The following TRMT9B variants were observed in gnomAD, a reference collection of about 807,000 sequenced individuals.
TRMT9B encodes tRNA methyltransferase 9B (putative).
A neutral mutation model predicts 11.5 loss-of-function variants in TRMT9B; 16 were observed. The ratio of observed to expected loss-of-function variants is 1.39; its 90% confidence interval spans 0.94 to 2.11. TRMT9B has a LOEUF of 2.11. Ranked by LOEUF, TRMT9B falls within the 30% of genes most tolerant of loss-of-function variation. The pLI, the probability that TRMT9B is intolerant of heterozygous loss-of-function variation, is 0.00. For synonymous variants in TRMT9B, 274 were observed against 192.4 expected (o/e 1.42, Z -3.51); for missense variants, 941 against 553.8 (o/e 1.70, Z -7.02).
chr8:12,989,808 G>T (rs1366350979), intron 1 of TRMT9B, among the ~76,000 whole-genome samples: 1 of 152,144 alleles, frequency 6.6e-6, no homozygotes, highest in Non-Finnish European at 1.5e-5. Context: ...AAGATGCTTT[G>T]GTAGCTCTTT....
At chr8:12,984,664 A>G (rs1360250882) in intron 1 of TRMT9B, among the ~76,000 whole-genome samples, 1 of 152,074 alleles carries the variant, frequency 6.6e-6, no homozygotes, top group Non-Finnish European at 1.5e-5. Flanking sequence ...CTTTTATCTC[A>G]ACAAAACTGA....
At chr8:13,019,118 A>G (rs1391452612) in intron 4 of TRMT9B, among the ~76,000 whole-genome samples, 1 of 152,128 alleles carries the variant, frequency 6.6e-6, no homozygotes, top group Non-Finnish European at 1.5e-5. Context: ...TTTGGGGAGT[A>G]TTGATTTGGG....
chr8:12,997,577 T>G (rs1483150967), intron 2 of TRMT9B, among the ~76,000 whole-genome samples: 1 of 152,162 alleles, frequency 6.6e-6, no homozygotes, highest in Non-Finnish European at 1.5e-5. Context: ...GTTGCAAACT[T>G]CCATGCTACC....
intron 4 of TRMT9B, among the ~76,000 whole-genome samples, chr8:13,013,245 C>T (rs1219483541): frequency 6.6e-6 from 1 of 152,146 alleles, no homozygotes; most frequent in Non-Finnish European, 1.5e-5. Context: ...AAAATAGTGG[C>T]CTTTGTTAAC....
Position 12,990,953 on chromosome 8 carries a change from C to A in TRMT9B, c.-80C>A, listed in dbSNP as rs575286897. On this transcript the variant is annotated 5_prime_UTR_variant, in exon 2 of 5. It adds an upstream start codon to the 5' untranslated region. Transcript: ENST00000524591. Reference sequence around the variant, plus strand: ...ACATTGAGAAAGTTATGAGAAGCAACTGTCACTCTCTGGAGGTGGAGACTG... The same window carrying A: ...ACATTGAGAAAGTTATGAGAAGCAAATGTCACTCTCTGGAGGTGGAGACTG... The A allele has an allele frequency of 7.8e-7, 1 of 1,288,996 alleles. No individual in the cohort carries two copies. The highest frequency in any genetic ancestry group is 5.5e-5 in the East Asian group (1 of 18,020). 79.8% of individuals were successfully genotyped at this position (1,288,996 alleles called of 1,614,324 possible).
At chr8:12,955,460 T>A (rs1801172579) in intron 1 of TRMT9B, among the ~76,000 whole-genome samples, 1 of 152,108 alleles carries the variant, frequency 6.6e-6, no homozygotes, top group Non-Finnish European at 1.5e-5. Context: ...GGGGTCCCGA[T>A]CATTATTTCC....
chr8:12,973,785 A>C (rs1453416190), intron 1 of TRMT9B, among the ~76,000 whole-genome samples: 1 of 152,160 alleles, frequency 6.6e-6, no homozygotes, highest in Non-Finnish European at 1.5e-5. Context: ...AGATCCACAA[A>C]ACACTTCATG....
At chr8:12,981,489 C>T (rs907905133) in intron 1 of TRMT9B, among the ~76,000 whole-genome samples, 3 of 152,152 alleles carry the variant, frequency 2.0e-5, no homozygotes, top group East Asian at 1.9e-4. Context: ...TTGAGTGTGA[C>T]GGCACGGAGC....
chr8:12,981,077 G>T (rs550354628), intron 1 of TRMT9B, among the ~76,000 whole-genome samples: 1 of 148,128 alleles, frequency 6.8e-6, no homozygotes. Context: ...TTGTTTTTTT[G>T]TTTGTTTGTT....
chr8:12,978,612 C>G (rs181527478), intron 1 of TRMT9B, among the ~76,000 whole-genome samples: 1 of 152,260 alleles, frequency 6.6e-6, no homozygotes, highest in East Asian at 1.9e-4. Flanking sequence ...TTATATGACT[C>G]TTCTCCAGAT....
At chr8:13,009,117 G>T (rs887846448) in intron 3 of TRMT9B, among the ~76,000 whole-genome samples, 2 of 152,120 alleles carry the variant, frequency 1.3e-5, no homozygotes, top group Non-Finnish European at 2.9e-5. Flanking sequence ...GGAGGAACCT[G>T]GAAGATATTA....
chr8:12,975,965 C>T (rs1346198832), intron 1 of TRMT9B, among the ~76,000 whole-genome samples: 1 of 152,068 alleles, frequency 6.6e-6, no homozygotes, highest in Non-Finnish European at 1.5e-5. Context: ...TTTCTCAGTT[C>T]TATATGAGCC....
chr8:13,012,534 C>G, intron 3 of TRMT9B, 150 bp from the exon 4 acceptor site: 1 of 1,006,006 alleles, frequency 9.9e-7, no homozygotes, highest in Non-Finnish European at 1.4e-6. Context: ...GAGATTGCGC[C>G]ACTGCACTCC....
chr8:12,993,180 G>A (rs926716539), intron 2 of TRMT9B, among the ~76,000 whole-genome samples: 7 of 152,198 alleles, frequency 4.6e-5, no homozygotes, highest in African/African-American at 1.7e-4. Flanking sequence ...GTCAGGGAGG[G>A]TTTTCGTGAC....
chr8:13,016,288 T>A (rs1812687769), intron 4 of TRMT9B, among the ~76,000 whole-genome samples: 1 of 105,768 alleles, frequency 9.5e-6, no homozygotes. Context: ...AATATATTTG[T>A]GTGTTTATAT....
At chr8:12,956,506 A>G (rs1049024443) in intron 1 of TRMT9B, among the ~76,000 whole-genome samples, 3 of 152,250 alleles carry the variant, frequency 2.0e-5, no homozygotes, top group African/African-American at 7.2e-5. Context: ...AATGTTTCTT[A>G]GGTTTGATTT....
At chr8:12,959,746 C>G (rs1239239072) in intron 1 of TRMT9B, among the ~76,000 whole-genome samples, 2 of 152,018 alleles carry the variant, frequency 1.3e-5, no homozygotes, top group Non-Finnish European at 2.9e-5. Context: ...CCAGGCTGGT[C>G]TTGAACTCCT....
chr8:12,976,305 G>A (rs1804436726), intron 1 of TRMT9B, among the ~76,000 whole-genome samples: 1 of 152,154 alleles, frequency 6.6e-6, no homozygotes, highest in Admixed American at 6.5e-5. Context: ...ATCGTAAAAG[G>A]CAAGGGATTT....
chr8:12,977,548 A>G (rs548710670), intron 1 of TRMT9B, among the ~76,000 whole-genome samples: 1 of 152,250 alleles, frequency 6.6e-6, no homozygotes, highest in East Asian at 1.9e-4. Context: ...TAAAAATACA[A>G]AAATTAGCTG....
Sources: gnomAD v4.1 joint callset for allele counts (sites outside exome capture counted in the v4.1 genomes callset) on GRCh38, gnomAD v4.1.1 for gene constraint, MANE v1.5 for transcripts, NCBI Gene and HGNC (gene_info 2026-07-23, HGNC 2026-07-21) for gene names.